The following CFAP43 variants were observed in gnomAD, a reference collection of about 807,000 sequenced individuals.
CFAP43 encodes the protein cilia- and flagella-associated protein 43.
In CFAP43, 155 loss-of-function variants were observed where a neutral mutation model predicts 218.9. The observed-to-expected ratio is 0.71, with a 90% CI of 0.62 to 0.81. The LOEUF (loss-of-function observed/expected upper bound fraction) is 0.81. CFAP43 is among the 30% of genes least tolerant of loss of function. The pLI, the probability that CFAP43 is intolerant of heterozygous loss-of-function variation, is 0.00. For synonymous variants in CFAP43, 645 were observed against 681.3 expected (o/e 0.95, Z 0.83); for missense variants, 1,778 against 1,954.3 (o/e 0.91, Z 1.70).
chr10:104,221,558 C>G (rs2091182248), intron 3 of CFAP43, among the ~76,000 whole-genome samples: 1 of 152,114 alleles, frequency 6.6e-6, no homozygotes, highest in African/African-American at 2.4e-5. Context: ...CTGCTGGCAC[C>G]TTGATCTTGG....
intron 12 of CFAP43, among the ~76,000 whole-genome samples, chr10:104,188,973 C>T (rs1171960256): frequency 6.6e-6 from 1 of 152,178 alleles, no homozygotes; most frequent in East Asian, 1.9e-4. Flanking sequence ...CAGGTGCCCA[C>T]TTTCTCAGGC....
chr10:104,215,035 T>C (rs1490528777), intron 3 of CFAP43, among the ~76,000 whole-genome samples: 1 of 152,058 alleles, frequency 6.6e-6, no homozygotes, highest in Non-Finnish European at 1.5e-5. Flanking sequence ...CTTGGGAGGC[T>C]GAGGCAGGAG....
At chr10:104,163,286 G>A (rs1446031112) in intron 24 of CFAP43, among the ~76,000 whole-genome samples, 1 of 152,144 alleles carries the variant, frequency 6.6e-6, no homozygotes, top group Non-Finnish European at 1.5e-5. Context: ...GACTTACAAT[G>A]ATAAATTCAT....
intron 35 of CFAP43, chr10:104,132,675 A>G (rs2087254316): frequency 2.0e-6 from 2 of 985,416 alleles, no homozygotes; most frequent in Non-Finnish European, 2.4e-6. Flanking sequence ...GTATTTAGCC[A>G]TCAATACATT....
intron 4 of CFAP43, 88 bp from the exon 5 acceptor site, chr10:104,212,245 G>A: frequency 7.5e-7 from 1 of 1,334,950 alleles, no homozygotes; most frequent in Non-Finnish European, 1.0e-6. Flanking sequence ...GTGAGGTGGG[G>A]AGGTATTATA....
At chr10:104,196,753 G>T (rs2090391934) in intron 10 of CFAP43, 100 bp downstream of exon 10, 2 of 995,870 alleles carry the variant, frequency 2.0e-6, no homozygotes, top group Non-Finnish European at 2.9e-6. Context: ...TGAGGCTTCG[G>T]TAACAAGTAT....
At chr10:104,146,396 C>A in intron 29 of CFAP43, 47 bp from the exon 30 acceptor site, 1 of 1,467,898 alleles carries the variant, frequency 6.8e-7, no homozygotes, top group Non-Finnish European at 9.5e-7. Flanking sequence ...GACTTTCCAG[C>A]ATAAACAAAA....
In CFAP43 at chr10:104,196,915, C is replaced by T; in HGVS notation, c.1231G>A (p.Glu411Lys). Residue 411 changes from glutamate to lysine, a missense_variant, in exon 10 of 38, where the codon GAA becomes AAA. Glu to Lys is a moderately conservative substitution (Grantham distance 56). This residue lies in a region of CFAP43 where 1,553 missense variants were observed against 1,685.2 expected (regional missense o/e 0.92). Coordinates refer to ENST00000357060, the MANE Select transcript of CFAP43 (RefSeq NM_025145.7). ...TCCTCCAGCCACCAAACACAAATTTCCCCTGAATATGTAAGTGTCTGTAAA... is the reference window on the plus strand; with the variant it reads ...TCCTCCAGCCACCAAACACAAATTTTCCCTGAATATGTAAGTGTCTGTAAA... ...QYFMTLTYSG[E>K]ICVWWLEDCA... 2 of 1,613,026 alleles carry T rather than the reference C, an allele frequency of 1.2e-6. No homozygotes were observed. Among genetic ancestry groups the T allele is most frequent in the African/African-American group, 2.7e-5 (2 of 74,970 alleles).
chr10:104,222,663 A>G (rs2091213541), intron 3 of CFAP43, among the ~76,000 whole-genome samples: 1 of 152,188 alleles, frequency 6.6e-6, no homozygotes, highest in Non-Finnish European at 1.5e-5. Context: ...TAAGACATGC[A>G]AACAAATCTA....
chr10:104,232,313 T>TCCGCCG lies in CFAP43; in HGVS notation c.-73_-68dup. 1 of 1,444,448 alleles carries TCCGCCG rather than the reference T, an allele frequency of 6.9e-7. No individual in the cohort carries two copies. The highest frequency in any genetic ancestry group is 2.5e-5 in the East Asian group (1 of 39,264). The allele number at this position is 1,444,448 out of a possible 1,614,324, so 89.5% of individuals were successfully genotyped here. A position where few individuals can be genotyped will look rare whatever the true frequency, so the allele number is the denominator to read the frequency against. On this transcript the variant is annotated 5_prime_UTR_variant, in exon 1 of 38. Transcript: ENST00000357060. ...CACCCCAGGGCGGGTCGGTTACCTT[T>TCCGCCG]CCGCCGCCGCGGGGCTGCGGGCCGC...
At chr10:104,154,918 C>G (rs188842481) in intron 27 of CFAP43, among the ~76,000 whole-genome samples, 1 of 152,152 alleles carries the variant, frequency 6.6e-6, no homozygotes, top group East Asian at 1.9e-4. Flanking sequence ...TGTCTTAAGT[C>G]TCAGAAGCAA....
chr10:104,206,226 G>C (rs1358386839), intron 6 of CFAP43, among the ~76,000 whole-genome samples, 196 bp from the exon 7 acceptor site: 1 of 152,188 alleles, frequency 6.6e-6, no homozygotes, highest in Non-Finnish European at 1.5e-5. Flanking sequence ...GGAGTAAAGG[G>C]AAGAGAGAAA....
In CFAP43 at chr10:104,232,355, A is replaced by T. The variant is rs1055788240; in HGVS notation, c.-109T>A. The stretch of plus-strand genomic sequence containing the variant: ...GCGGGCCGCGACGCCGCTGCTGTGT[A>T]CACCCGTATCCCGGAGACCGTAAGC... On this transcript the variant is annotated 5_prime_UTR_variant, in exon 1 of 38. Coordinates refer to ENST00000357060, the MANE Select transcript of CFAP43 (RefSeq NM_025145.7). 3 of 1,134,640 alleles carry T rather than the reference A, an allele frequency of 2.6e-6. No homozygotes were observed. The highest frequency in any genetic ancestry group is 3.3e-5 in the South Asian group (2 of 61,128). 70.3% of individuals were successfully genotyped at this position (1,134,640 alleles called of 1,614,324 possible).
At chr10:104,218,071 G>A (rs886443675) in intron 3 of CFAP43, among the ~76,000 whole-genome samples, 1 of 151,950 alleles carries the variant, frequency 6.6e-6, no homozygotes, top group African/African-American at 2.4e-5. Context: ...TTCCAAGGCC[G>A]GGCGCAGTGG....
rs762783287 is a variant in CFAP43 at position 104,212,183 on chromosome 10, A to G, written c.585-26T>C. ...CTGTAGACAAAAGAGGCATCAGAAC[A>G]ATGAGATGAACAGAAACTTCTTATT... On this transcript the variant is annotated intron_variant, in intron 4 of 37. Coordinates refer to ENST00000357060, the MANE Select transcript of CFAP43 (RefSeq NM_025145.7). 3 of 1,600,306 alleles carry G rather than the reference A, an allele frequency of 1.9e-6. No homozygotes were observed. In the East Asian group the frequency reaches 6.7e-5, roughly 36 times the overall value.
At chr10:104,172,377 A>G in intron 20 of CFAP43, 33 bp downstream of exon 20, 2 of 1,593,802 alleles carry the variant, frequency 1.3e-6, no homozygotes, top group Non-Finnish European at 1.7e-6. Context: ...TTTCATCATA[A>G]CTTTATGGTG....
chr10:104,167,517 T>C (rs201334460), intron 22 of CFAP43, 104 bp downstream of exon 22: 29 of 760,262 alleles, frequency 3.8e-5, no homozygotes, highest in East Asian at 1.7e-4. Context: ...TATAAATACA[T>C]ACAATACCTA....
chr10:104,164,003 T>C, intron 24 of CFAP43, 91 bp downstream of exon 24: 1 of 1,309,274 alleles, frequency 7.6e-7, no homozygotes, highest in Non-Finnish European at 1.1e-6. Flanking sequence ...CCCAGTACAA[T>C]CACTTCCCAC....
Position 104,232,290 on chromosome 10 carries a change from C to T in CFAP43, c.-44G>A. The T allele has an allele frequency of 6.5e-7, 1 of 1,529,610 alleles. No homozygotes were observed. The highest frequency in any genetic ancestry group is 8.8e-7 in the Non-Finnish European group (1 of 1,141,188). The allele number at this position is 1,529,610 out of a possible 1,614,324, so 94.8% of individuals were successfully genotyped here. A position where few individuals can be genotyped will look rare whatever the true frequency, so the allele number is the denominator to read the frequency against. ...GCGGGAGCAGGCAGCGCACGCAGCA[C>T]CCCAGGGCGGGTCGGTTACCTTTCC... On this transcript the variant is annotated 5_prime_UTR_variant, in exon 1 of 38. It adds an upstream start codon to the 5' untranslated region. Transcript: ENST00000357060.
Sources: gnomAD v4.1 joint callset for allele counts (sites outside exome capture counted in the v4.1 genomes callset) on GRCh38, gnomAD v4.1.1 for gene constraint, gnomAD v4.1.1 regional missense constraint, MANE v1.5 for transcripts, NCBI Gene and HGNC (gene_info 2026-07-23, HGNC 2026-07-21) for gene names.